Variants in PROSER2 observed in about 807,000 individuals in gnomAD.
PROSER2 encodes proline and serine rich 2, also known as proline and serine-rich protein 2.
In PROSER2, 18 loss-of-function variants were observed where a neutral mutation model predicts 14.6. The observed-to-expected ratio is 1.23, with a 90% CI of 0.85 to 1.83. The LOEUF (loss-of-function observed/expected upper bound fraction) is 1.83. PROSER2 is among the 40% of genes most tolerant of loss of function. The pLI, the probability that PROSER2 is intolerant of heterozygous loss-of-function variation, is 0.00. For synonymous variants in PROSER2, 367 were observed against 286.4 expected (o/e 1.28, Z -2.84); for missense variants, 823 against 629.8 (o/e 1.31, Z -3.28).
intron 2 of PROSER2, among the ~76,000 whole-genome samples, chr10:11,855,549 A>G (rs1180253461): frequency 6.6e-6 from 1 of 152,152 alleles, no homozygotes; most frequent in African/African-American, 2.4e-5. Context: ...TAAAGTTTTA[A>G]GTGCTAGTTG....
chr10:11,843,164 TCTC>T (rs1268072877), intron 1 of PROSER2, among the ~76,000 whole-genome samples: 3 of 149,752 alleles, frequency 2.0e-5, no homozygotes, highest in Non-Finnish European at 4.5e-5. Flanking sequence ...ATGGTCTTGA[TCTC>T]CTGACCTCGT....
At chr10:11,843,908 T>C (rs78146222) in intron 1 of PROSER2, among the ~76,000 whole-genome samples, 2 of 151,938 alleles carry the variant, frequency 1.3e-5, no homozygotes, top group South Asian at 2.1e-4. Context: ...TTTTTTTTTT[T>C]CTCAATGGGA....
chr10:11,844,187 T>G (rs1833892651), intron 1 of PROSER2, among the ~76,000 whole-genome samples: 1 of 152,110 alleles, frequency 6.6e-6, no homozygotes, highest in African/African-American at 2.4e-5. Flanking sequence ...AGATAAGGTC[T>G]CACTATGTTG....
chr10:11,864,581 ATTTT>A, intron 2 of PROSER2, among the ~76,000 whole-genome samples: 1 of 145,628 alleles, frequency 6.9e-6, no homozygotes, highest in South Asian at 2.2e-4. Flanking sequence ...TGATTTCTGA[ATTTT>A]TTTTTTCTTT....
At chr10:11,826,063 T>C (rs1176929757) in intron 1 of PROSER2, among the ~76,000 whole-genome samples, 1 of 152,138 alleles carries the variant, frequency 6.6e-6, no homozygotes, top group Non-Finnish European at 1.5e-5. Context: ...TGGCAGCCAC[T>C]GATCTCCTTC....
At chr10:11,852,684 ATTTT>A (rs33939695) in intron 2 of PROSER2, among the ~76,000 whole-genome samples, 9 of 98,014 alleles carry the variant, frequency 9.2e-5, no homozygotes, top group Admixed American at 2.4e-4. Flanking sequence ...ACACCCGGCT[ATTTT>A]TTTTTTTTTT....
At chr10:11,831,798 G>C (rs1255545300) in intron 1 of PROSER2, 1 of 152,012 alleles carries the variant, frequency 6.6e-6, no homozygotes, top group Admixed American at 6.6e-5. Context: ...TTCCCTCGAG[G>C]CCTGTTAAAA....
chr10:11,861,721 C>T (rs1213170635), intron 2 of PROSER2, among the ~76,000 whole-genome samples: 1 of 152,158 alleles, frequency 6.6e-6, no homozygotes, highest in Non-Finnish European at 1.5e-5. Flanking sequence ...TCATTCCTTA[C>T]CTTGGTAGAG....
chr10:11,870,089 G>A lies in PROSER2; in HGVS notation c.991G>A (p.Ala331Thr). 5.4e-6 allele frequency: 7 copies of A among 1,295,360 alleles called. No individual in the cohort carries two copies. The highest frequency in any genetic ancestry group is 6.8e-6 in the Non-Finnish European group (7 of 1,022,546). The allele number at this position is 1,295,360 out of a possible 1,614,324, so 80.2% of individuals were successfully genotyped here. The change falls in exon 4 of 4, where the codon GCA becomes ACA. Residue 331 changes from alanine to threonine, a missense_variant. Coordinates refer to ENST00000277570, the MANE Select transcript of PROSER2 (RefSeq NM_153256.4). ...GLPGPAESLR[A>T]GGQAPRGPAL... ...GCCGGGCCCCGCTGAGAGTCTCCGGGCAGGGGGTCAGGCTCCGCGGGGCCC... is the reference window on the plus strand; with the variant it reads ...GCCGGGCCCCGCTGAGAGTCTCCGGACAGGGGGTCAGGCTCCGCGGGGCCC...
At chr10:11,839,564 C>T (rs1360131215) in intron 1 of PROSER2, among the ~76,000 whole-genome samples, 2 of 152,166 alleles carry the variant, frequency 1.3e-5, no homozygotes, top group African/African-American at 2.4e-5. Context: ...CGGTGGCTCA[C>T]GCCTGTACTC....
rs116295162 is a variant in PROSER2, at chr10:11,870,298, C to G, written c.1200C>G (p.Ser400=). 3.6e-5 allele frequency: 54 copies of G among 1,493,812 alleles called. No homozygotes were observed. The highest frequency in any genetic ancestry group is 4.4e-5 in the Non-Finnish European group (50 of 1,128,142). The allele number at this position is 1,493,812 out of a possible 1,614,324, so 92.5% of individuals were successfully genotyped here. A position where few individuals can be genotyped will look rare whatever the true frequency, so the allele number is the denominator to read the frequency against. ...NGAQDWRRAD[S]LPRPQGITVQ... ...CCCAGGACTGGCGCCGCGCAGACTC[C>G]CTGCCCCGGCCCCAGGGCATCACCG... The change falls in exon 4 of 4, where the codon TCC becomes TCG. Residue 400 remains serine (S), a synonymous_variant. Coordinates refer to ENST00000277570, the MANE Select transcript of PROSER2 (RefSeq NM_153256.4).
rs1256073302 is a variant in PROSER2, at chr10:11,865,269, G to T, written c.139-1262G>T. Among the ~76,000 whole-genome samples the T allele has an allele frequency of 6.7e-6, 1 of 148,256 alleles. No individual in the cohort carries two copies. The highest frequency in any genetic ancestry group is 2.5e-5 in the African/African-American group (1 of 40,054). ...CTTTTATTTAGTTTTTCATTTTTTT[G>T]TGCTGTTAGTATTTTTTATTTATTT... is the stretch of plus-strand genomic sequence containing the variant. On this transcript the variant is annotated intron_variant, in intron 2 of 3. Coordinates refer to ENST00000277570, the MANE Select transcript of PROSER2 (RefSeq NM_153256.4). This position sits in a 1 kb window ranked among gnomAD's most constrained non-coding sequence, Gnocchi z 4.2.
Position 11,862,497 on chromosome 10 carries a change from G to T in PROSER2, c.139-4034G>T, listed in dbSNP as rs6602544. Among the ~76,000 whole-genome samples the T allele has an allele frequency of 0.49, 73,868 of 151,892 alleles. 18,365 individuals carry two copies. Among genetic ancestry groups the T allele is most frequent in the East Asian group, 0.74 (3,807 of 5,158 alleles). ...GCCTGAGCCCAGGAGTTCAAGATCA[G>T]CCTGGGCCATGTAGCAAGACTTTGT... On this transcript the variant is annotated intron_variant, in intron 2 of 3. Coordinates refer to ENST00000277570, the MANE Select transcript of PROSER2 (RefSeq NM_153256.4). This position sits in a 1 kb window ranked among gnomAD's most constrained non-coding sequence, Gnocchi z 4.2.
At chr10:11,853,873 A>G (rs1217031917) in intron 2 of PROSER2, among the ~76,000 whole-genome samples, 1 of 152,138 alleles carries the variant, frequency 6.6e-6, no homozygotes, top group Non-Finnish European at 1.5e-5. Flanking sequence ...AAATTAAAGG[A>G]TTCCTGTTCT....
At chr10:11,839,189 G>A (rs920925791) in intron 1 of PROSER2, among the ~76,000 whole-genome samples, 1 of 152,154 alleles carries the variant, frequency 6.6e-6, no homozygotes, top group Non-Finnish European at 1.5e-5. Context: ...TGAGGGCAGG[G>A]AGCAGGTCTC....
rs1564314354 is a variant in PROSER2 at position 11,866,504 on chromosome 10, CTT to C, written c.139-26_139-25del. 1 of 1,611,114 alleles carries C rather than the reference CTT, an allele frequency of 6.2e-7. No individual in the cohort carries two copies. Among genetic ancestry groups the C allele is most frequent in the Non-Finnish European group, 8.5e-7 (1 of 1,178,250 alleles). ...AGTGAAGCCAGTGTTTGTTTTCTCT[CTT>C]CTGTTCCCAATCCCTGTACTCTAGG... On this transcript the variant is annotated intron_variant, in intron 2 of 3. Coordinates refer to ENST00000277570, the MANE Select transcript of PROSER2 (RefSeq NM_153256.4). The surrounding 1 kb of genome is among the most constrained non-coding windows in gnomAD (Gnocchi z 6.0).
chr10:11,855,567 A>C (rs543838218), intron 2 of PROSER2, among the ~76,000 whole-genome samples: 3 of 152,140 alleles, frequency 2.0e-5, no homozygotes, highest in African/African-American at 4.8e-5. Context: ...TTGGAGTGTC[A>C]CCTGGTATAT....
rs1665839444 is a variant in PROSER2 at position 11,871,534 on chromosome 10, A to G, written c.*1128A>G. ...AACAGAAGGAAGCAAAAGATTCTTA[A>G]AGATCCACCGACTGTCATGTTCCAC... On this transcript the variant is annotated 3_prime_UTR_variant, in exon 4 of 4. Coordinates refer to ENST00000277570, the MANE Select transcript of PROSER2 (RefSeq NM_153256.4). 6.6e-6 allele frequency: 1 copy of G among 152,238 alleles called. No homozygotes were observed. 9.4% of individuals were successfully genotyped at this position (152,238 alleles called of 1,614,324 possible).
rs1834470415 is a variant in PROSER2 at position 11,870,714 on chromosome 10, C to CCAT, written c.*310_*312dup. 1 of 286,584 alleles carries CCAT rather than the reference C, an allele frequency of 3.5e-6. No homozygotes were observed. The highest frequency in any genetic ancestry group is 6.6e-5 in the East Asian group (1 of 15,172). The allele number at this position is 286,584 out of a possible 1,614,324, so 17.8% of individuals were successfully genotyped here. ...CATAGGTTTCCGTGATGTGTAAATG[C>CCAT]CATCTTTTGGGGGTTGGGAGGAGTA... On this transcript the variant is annotated 3_prime_UTR_variant, in exon 4 of 4. Transcript: ENST00000277570.
Sources: gnomAD v4.1 joint callset for allele counts (sites outside exome capture counted in the v4.1 genomes callset) on GRCh38, gnomAD v4.1.1 for gene constraint, Gnocchi (gnomAD v3.1) non-coding constraint, MANE v1.5 for transcripts, NCBI Gene and HGNC (gene_info 2026-07-23, HGNC 2026-07-21) for gene names.